MOG: variants seen among roughly 807,000 people sequenced by gnomAD.
MOG encodes the protein myelin-oligodendrocyte glycoprotein.
Under a neutral mutation model 35.9 loss-of-function variants are expected in MOG, and 20 were observed. That is an observed-to-expected ratio of 0.56 (90% CI 0.39 to 0.81). MOG has a LOEUF of 0.81. Ranked by LOEUF, MOG falls within the 30% of genes least tolerant of loss-of-function variation. MOG has a pLI of 0.00. For synonymous variants in MOG, 92 were observed against 114.3 expected, an observed-to-expected ratio of 0.80 and a Z score of 1.25; for missense variants, 251 against 301.0, an observed-to-expected ratio of 0.83 and a Z score of 1.23.
Position 29,657,151 on chromosome 6 carries a change from A to G in MOG, c.-59A>G, listed in dbSNP as rs1767262811. ...CAGCAGTAAGGGGACATGCACCCCA[A>G]GGGCCTCCACTTGGCCTGACCTTGC... On this transcript the variant is annotated 5_prime_UTR_variant, in exon 1 of 8. Transcript: ENST00000376917. 34 of 1,264,474 alleles carry G rather than the reference A, an allele frequency of 2.7e-5. No individual in the cohort carries two copies. The South Asian group carries it at 3.5e-4, about 13-fold the overall frequency. The allele number at this position is 1,264,474 out of a possible 1,614,324, so 78.3% of individuals were successfully genotyped here.
rs539197659 is a variant in MOG at position 29,661,982 on chromosome 6, G to A, written c.436+2316G>A. On this transcript the variant is annotated intron_variant, in intron 2 of 7. Transcript: ENST00000376917. ...ACTGTTTTACAAGTAAATAAGGGAC[G>A]CTTTGTCTAGGCTTTGGAGCCAGGA... is the stretch of plus-strand genomic sequence containing the variant. The A allele has an allele frequency of 7.3e-5, 72 of 985,394 alleles. No individual in the cohort carries two copies. The East Asian group carries it at 1.9e-3, about 26-fold the overall frequency. The allele number at this position is 985,394 out of a possible 1,614,324, so 61.0% of individuals were successfully genotyped here.
rs1315886777 is a variant in MOG at position 29,671,505 on chromosome 6, C to T, written c.*320C>T. On this transcript the variant is annotated 3_prime_UTR_variant, in exon 8 of 8. Transcript: ENST00000376917. Reference sequence around the variant, plus strand: ...AGGACACCTGTACTGGAGAGCAACACAGGATGGTCTCTGCCATGAACTGGA... The same window carrying T: ...AGGACACCTGTACTGGAGAGCAACATAGGATGGTCTCTGCCATGAACTGGA... The T allele has an allele frequency of 8.5e-7, 1 of 1,171,990 alleles. No homozygotes were observed. Among genetic ancestry groups the T allele is most frequent in the African/African-American group, 1.5e-5 (1 of 66,420 alleles). 72.6% of individuals were successfully genotyped at this position (1,171,990 alleles called of 1,614,324 possible). A position where few individuals can be genotyped will look rare whatever the true frequency, so the allele number is the denominator to read the frequency against.
Position 29,657,293 on chromosome 6 carries a change from T to C in MOG, c.84T>C (p.Tyr28=). The C allele has an allele frequency of 1.3e-6, 2 of 1,590,844 alleles. No individual in the cohort carries two copies. The highest frequency in any genetic ancestry group is 2.3e-5 in the South Asian group (2 of 88,460). ...TCCTCCTCCAAGTGTCTTCCAGCTA[T>C]GCAGGTAAGACATGTTTTTTTTCCT... ...LLLLLQVSSS[Y]AGQFRVIGPR... The change falls in exon 1 of 8, where the codon TAT becomes TAC. Residue 28 remains tyrosine (Y), a synonymous_variant. Transcript: ENST00000376917.
In MOG at chr6:29,670,843, G is replaced by A; in HGVS notation, c.730+122G>A. ...TTCCCAGAGGAAAGGAGGAGCTGGA[G>A]AGCCTGGGTGGAGGGAAGACTCCTC... On this transcript the variant is annotated intron_variant, in intron 7 of 7. Transcript: ENST00000376917. The surrounding 1 kb of genome is among the most constrained non-coding windows in gnomAD (Gnocchi z 4.2). The A allele has an allele frequency of 6.3e-7, 1 of 1,580,016 alleles. No homozygotes were observed.
At position 29,670,571 on chromosome 6, in the gene MOG, C is replaced by G. The variant is rs903048428; in HGVS notation, c.710-130C>G. Reference sequence around the variant, plus strand: ...TCTTCTGAGAAACTGTGAAGAGAACCACTTACTGGATCTGTGGGATCCCCC... The same window carrying G: ...TCTTCTGAGAAACTGTGAAGAGAACGACTTACTGGATCTGTGGGATCCCCC... On this transcript the variant is annotated intron_variant, in intron 6 of 7. Coordinates refer to ENST00000376917, the MANE Select transcript of MOG (RefSeq NM_206809.4). This position sits in a 1 kb window ranked among gnomAD's most constrained non-coding sequence, Gnocchi z 4.2. The G allele has an allele frequency of 3.6e-5, 57 of 1,566,124 alleles. No individual in the cohort carries two copies. The highest frequency in any genetic ancestry group is 4.7e-5 in the Non-Finnish European group (54 of 1,149,546).
chr6:29,671,251 T>G lies in MOG; in HGVS notation c.*66T>G, dbSNP rs896890066. On this transcript the variant is annotated 3_prime_UTR_variant, in exon 8 of 8. Transcript: ENST00000376917. ...GCCCAGGGATTTGTCCTTGGGGACA[T>G]CTCATCCATCAAGTTGCACACTCAC... 13 of 1,612,158 alleles carry G rather than the reference T, an allele frequency of 8.1e-6. No homozygotes were observed. In the African/African-American group the frequency reaches 1.6e-4, roughly 20 times the overall value.
intron 2 of MOG, among the ~76,000 whole-genome samples, chr6:29,660,403 C>T (rs375193308): frequency 7.3e-5 from 11 of 149,898 alleles, no homozygotes; most frequent in African/African-American, 1.7e-4. Flanking sequence ...TGGTAGCAGG[C>T]GCCTGTAGTC....
chr6:29,661,608 G>T, intron 2 of MOG: 1 of 935,338 alleles, frequency 1.1e-6, no homozygotes, highest in Non-Finnish European at 1.3e-6. Context: ...ATCACCTGAG[G>T]TCGGGAGTTC....
At chr6:29,664,198 T>TTTTATTTA (rs1174791441) in intron 2 of MOG, among the ~76,000 whole-genome samples, 1 of 149,802 alleles carries the variant, frequency 6.7e-6, no homozygotes, top group African/African-American at 2.5e-5. Context: ...TTCTTTTTTC[T>TTTTATTTA]TTTATTTATT....
At chr6:29,665,384 C>T (rs1769988489) in intron 2 of MOG, among the ~76,000 whole-genome samples, 1 of 152,132 alleles carries the variant, frequency 6.6e-6, no homozygotes, top group African/African-American at 2.4e-5. Context: ...GTGTGAGCCA[C>T]CGCACCTGGC....
rs1369230384 is a variant in MOG, at chr6:29,662,105, CTT to C, written c.436+2440_436+2441del. ...TTTCTCTGAAGAGTTTCTAATTTCTCTTGTTTACTTATTTTTTTCTTGTCATT... is the reference window on the plus strand; with the variant it reads ...TTTCTCTGAAGAGTTTCTAATTTCTCGTTTACTTATTTTTTTCTTGTCATT... On this transcript the variant is annotated intron_variant, in intron 2 of 7. Transcript: ENST00000376917. This position sits in a 1 kb window ranked among gnomAD's most constrained non-coding sequence, Gnocchi z 4.2. 18 of 985,060 alleles carry C rather than the reference CTT, an allele frequency of 1.8e-5. No homozygotes were observed. The highest frequency in any genetic ancestry group is 1.0e-4 in the African/African-American group (6 of 57,218). 61.0% of individuals were successfully genotyped at this position (985,060 alleles called of 1,614,324 possible).
At chr6:29,663,644 C>T (rs1180172417) in intron 2 of MOG, among the ~76,000 whole-genome samples, 1 of 152,128 alleles carries the variant, frequency 6.6e-6, no homozygotes. Context: ...ATCAGTGATA[C>T]TCTATACTTC....
In MOG at chr6:29,666,166, G is replaced by T. The variant is rs763930741; in HGVS notation, c.451G>T (p.Val151Leu). Reference sequence around the variant, plus strand: ...CTGCCTTTCAGATCCTTTCTACTGGGTGAGCCCTGGAGTGCTGGTTCTCCT... The same window carrying T: ...CTGCCTTTCAGATCCTTTCTACTGGTTGAGCCCTGGAGTGCTGGTTCTCCT... ...ELKVEDPFYW[V>L]SPGVLVLLAV... The change falls in exon 3 of 8, where the codon GTG becomes TTG. Residue 151 changes from valine to leucine, a missense_variant. Physicochemically the swap from Val to Leu is conservative, Grantham distance 32 (BLOSUM62 1). Transcript: ENST00000376917. The T allele has an allele frequency of 1.4e-5, 23 of 1,612,122 alleles. No homozygotes were observed. In the African/African-American group the frequency reaches 2.8e-4, roughly 20 times the overall value.
intron 1 of MOG, among the ~76,000 whole-genome samples, chr6:29,658,168 C>T (rs986048055): frequency 6.6e-6 from 1 of 152,166 alleles, no homozygotes; most frequent in Non-Finnish European, 1.5e-5. Flanking sequence ...ATGTTTGAGA[C>T]TTTGCTCTGC....
At chr6:29,669,218 G>A (rs186907863) in intron 5 of MOG, among the ~76,000 whole-genome samples, 2 of 151,756 alleles carry the variant, frequency 1.3e-5, no homozygotes, top group African/African-American at 2.4e-5. Context: ...ACCGTGCCCG[G>A]CCATAAATAT....
chr6:29,670,949 C>T lies in MOG; in HGVS notation c.731-223C>T. The stretch of plus-strand genomic sequence containing the variant: ...AGAAGCTGGAGGCACTCCTATCTGC[C>T]ACCTGATCCATTCCTCCTTCACTGC... On this transcript the variant is annotated intron_variant, in intron 7 of 7. Transcript: ENST00000376917. The surrounding 1 kb of genome is among the most constrained non-coding windows in gnomAD (Gnocchi z 4.2). 2 of 1,612,090 alleles carry T rather than the reference C, an allele frequency of 1.2e-6. No homozygotes were observed. The highest frequency in any genetic ancestry group is 2.2e-5 in the South Asian group (2 of 90,832).
intron 3 of MOG, among the ~76,000 whole-genome samples, chr6:29,666,631 G>A (rs1034853256): frequency 3.9e-5 from 6 of 152,214 alleles, no homozygotes; most frequent in African/African-American, 1.4e-4. Flanking sequence ...TTGGGAGAGT[G>A]TGAGCTTCGA....
At chr6:29,664,816 C>T in intron 2 of MOG, 1 of 315,388 alleles carries the variant, frequency 3.2e-6, no homozygotes, top group Non-Finnish European at 6.2e-6. Context: ...ATTATGTTGC[C>T]CAGTCTGGCC....
At position 29,672,016 on chromosome 6, in the gene MOG, C is replaced by T. The variant is rs1044900786; in HGVS notation, c.*831C>T. On this transcript the variant is annotated 3_prime_UTR_variant, in exon 8 of 8. Transcript: ENST00000376917. ...TAAAGATACGAGTTTTGGCCGGGTG[C>T]GGTGGCTCACGCCTGTAATCCCAGC... 6 of 156,212 alleles carry T rather than the reference C, an allele frequency of 3.8e-5. No individual in the cohort carries two copies. Among genetic ancestry groups the T allele is most frequent in the South Asian group, 1.9e-4 (1 of 5,166 alleles). The allele number at this position is 156,212 out of a possible 1,614,324, so 9.7% of individuals were successfully genotyped here. A position where few individuals can be genotyped will look rare whatever the true frequency, so the allele number is the denominator to read the frequency against.
Sources: allele counts gnomAD v4.1 joint callset (sites outside exome capture counted in the v4.1 genomes callset), GRCh38; gene constraint gnomAD v4.1.1; non-coding constraint Gnocchi (gnomAD v3.1); transcripts MANE v1.5; gene names NCBI Gene and HGNC (gene_info 2026-07-23, HGNC 2026-07-21).